The following CNTN5 variants were observed in gnomAD, a reference collection of about 807,000 sequenced individuals.
The protein encoded by CNTN5 is contactin 5, also known as contactin-5.
Under a neutral mutation model 129.1 loss-of-function variants are expected in CNTN5, and 77 were observed. The observed-to-expected ratio is 0.60, with a 90% CI of 0.50 to 0.72. The LOEUF is 0.72. Ranked by LOEUF, CNTN5 falls within the 30% of genes least tolerant of loss-of-function variation. The pLI is 0.00. For missense variants in CNTN5, 1,478 were observed against 1,328.8 expected, an observed-to-expected ratio of 1.11 and a Z score of -1.75; for synonymous variants, 509 against 465.6, an observed-to-expected ratio of 1.09 and a Z score of -1.20.
At chr11:99,658,523 A>C (rs1392011117) in intron 3 of CNTN5, among the ~76,000 whole-genome samples, 1 of 152,026 alleles carries the variant, frequency 6.6e-6, no homozygotes, top group Non-Finnish European at 1.5e-5. Context: ...CTCTTGCATC[A>C]CATTTAACAA....
Position 100,002,153 on chromosome 11 carries a change from C to T in CNTN5, c.980+17C>T. On this transcript the variant is annotated intron_variant, in intron 9 of 24. Transcript: ENST00000524871. Reference sequence around the variant, plus strand: ...ACTTGGCAAGTAAGTACATGTTCTTCCATAATTAAACACAATTTTTTATTA... The same window carrying T: ...ACTTGGCAAGTAAGTACATGTTCTTTCATAATTAAACACAATTTTTTATTA... 7.0e-7 allele frequency: 1 copy of T among 1,436,102 alleles called. No homozygotes were observed. The highest frequency in any genetic ancestry group is 9.3e-7 in the Non-Finnish European group (1 of 1,075,794). The allele number at this position is 1,436,102 out of a possible 1,614,324, so 89.0% of individuals were successfully genotyped here. A position where few individuals can be genotyped will look rare whatever the true frequency, so the allele number is the denominator to read the frequency against.
chr11:100,256,244 A>C (rs1950068247), intron 17 of CNTN5, among the ~76,000 whole-genome samples: 1 of 152,136 alleles, frequency 6.6e-6, no homozygotes, highest in Admixed American at 6.5e-5. Flanking sequence ...AATCTTACAT[A>C]ACCATAGTAC....
intron 17 of CNTN5, among the ~76,000 whole-genome samples, chr11:100,264,169 A>G (rs571927396): frequency 3.3e-5 from 5 of 152,216 alleles, no homozygotes; most frequent in African/African-American, 1.2e-4. Flanking sequence ...AGAAGTCCCT[A>G]CTGTAAAGTT....
intron 2 of CNTN5, among the ~76,000 whole-genome samples, chr11:99,534,261 C>T (rs1235489693): frequency 6.6e-6 from 1 of 152,054 alleles, no homozygotes; most frequent in East Asian, 1.9e-4. Flanking sequence ...AGTGTAATTA[C>T]CATTAATTTG....
chr11:99,859,725 C>A (rs1375624683), intron 6 of CNTN5, among the ~76,000 whole-genome samples: 1 of 151,936 alleles, frequency 6.6e-6, no homozygotes, highest in Non-Finnish European at 1.5e-5. Flanking sequence ...ATATGTGTAC[C>A]ATATTTCTTT....
At chr11:100,018,502 G>A (rs1429854344) in intron 9 of CNTN5, among the ~76,000 whole-genome samples, 1 of 151,850 alleles carries the variant, frequency 6.6e-6, no homozygotes, top group Non-Finnish European at 1.5e-5. Flanking sequence ...TGTGTCAATA[G>A]ATCATTCCTT....
chr11:99,208,235 G>A (rs1000110404), intron 1 of CNTN5, among the ~76,000 whole-genome samples: 1 of 152,104 alleles, frequency 6.6e-6, no homozygotes, highest in Non-Finnish European at 1.5e-5. Context: ...TTGGAAGGGA[G>A]TAATCCAATG....
intron 1 of CNTN5, among the ~76,000 whole-genome samples, chr11:99,239,236 T>G (rs73532967): frequency 0.12 from 18,416 of 152,208 alleles, 1,149 homozygotes; most frequent in South Asian, 0.15. Context: ...TAGCTTCTGA[T>G]TATATTCTAA....
intron 6 of CNTN5, among the ~76,000 whole-genome samples, chr11:99,901,035 G>A (rs929918258): frequency 2.6e-5 from 4 of 152,078 alleles, no homozygotes; most frequent in Admixed American, 6.6e-5. Context: ...ATTGGGCAAG[G>A]TACATAGCTT....
At chr11:99,128,051 C>A (rs995372067) in intron 1 of CNTN5, among the ~76,000 whole-genome samples, 2 of 152,138 alleles carry the variant, frequency 1.3e-5, no homozygotes, top group Non-Finnish European at 2.9e-5. Context: ...AGATGATCAA[C>A]CTCATTCCAA....
chr11:99,277,718 T>C (rs1863507227), intron 1 of CNTN5, among the ~76,000 whole-genome samples: 2 of 151,704 alleles, frequency 1.3e-5, no homozygotes, highest in Admixed American at 1.3e-4. Context: ...AAGTTTGGCT[T>C]CTTTGATTTG....
At chr11:99,118,716 A>C (rs1007320932) in intron 1 of CNTN5, among the ~76,000 whole-genome samples, 1 of 152,146 alleles carries the variant, frequency 6.6e-6, no homozygotes, top group African/African-American at 2.4e-5. Flanking sequence ...AACACATAGA[A>C]GTAAATTATA....
chr11:99,813,640 G>T (rs1033715817), intron 3 of CNTN5, among the ~76,000 whole-genome samples: 4 of 152,066 alleles, frequency 2.6e-5, no homozygotes. Flanking sequence ...GGGTACTTTA[G>T]ATAGAGAAAA....
chr11:99,187,598 T>G (rs1160571220), intron 1 of CNTN5, among the ~76,000 whole-genome samples: 1 of 151,862 alleles, frequency 6.6e-6, no homozygotes, highest in Non-Finnish European at 1.5e-5. Flanking sequence ...GAGTTTTACT[T>G]TTTAATTTTA....
intron 1 of CNTN5, among the ~76,000 whole-genome samples, chr11:99,132,006 A>G (rs1158368252): frequency 6.6e-6 from 1 of 152,164 alleles, no homozygotes; most frequent in East Asian, 1.9e-4. Flanking sequence ...CCTCAATAAA[A>G]TAGGACAAAC....
intron 1 of CNTN5, among the ~76,000 whole-genome samples, chr11:99,088,461 T>G (rs888145256): frequency 6.6e-6 from 1 of 152,138 alleles, no homozygotes; most frequent in African/African-American, 2.4e-5. Flanking sequence ...ACCTGCCAGA[T>G]GACCAAAAAA....
chr11:99,616,911 G>A (rs1207936008), intron 3 of CNTN5, among the ~76,000 whole-genome samples: 2 of 152,224 alleles, frequency 1.3e-5, no homozygotes, highest in African/African-American at 4.8e-5. Flanking sequence ...AGGAGTTCGA[G>A]ACCAGCCTGG....
Position 100,071,370 on chromosome 11 carries a change from G to A in CNTN5, c.1300-335G>A, listed in dbSNP as rs17094296. On this transcript the variant is annotated intron_variant, in intron 11 of 24. Coordinates refer to ENST00000524871, the MANE Select transcript of CNTN5 (RefSeq NM_014361.4). The stretch of plus-strand genomic sequence containing the variant: ...TGAATCCTTCTTTCCCTTTGTAAAC[G>A]GAATGCAAATAAAAGCATCACCTGC... 9.1e-3 allele frequency among the ~76,000 whole-genome samples: 1,389 copies of A among 152,032 alleles called. 21 individuals are homozygous for A. The highest frequency in any genetic ancestry group is 0.029 in the African/African-American group (1,189 of 41,452).
At chr11:100,270,249 C>T (rs190104618) in intron 17 of CNTN5, among the ~76,000 whole-genome samples, 19 of 152,274 alleles carry the variant, frequency 1.2e-4, no homozygotes, top group Admixed American at 2.6e-4. Flanking sequence ...AAATCCAAGG[C>T]GATTTCATTC....
Sources: gnomAD v4.1 joint callset for allele counts (sites outside exome capture counted in the v4.1 genomes callset) on GRCh38, gnomAD v4.1.1 for gene constraint, MANE v1.5 for transcripts, NCBI Gene and HGNC (gene_info 2026-07-23, HGNC 2026-07-21) for gene names.